The following THSD4 variants were observed in gnomAD, a reference collection of about 807,000 sequenced individuals.
THSD4 encodes thrombospondin type-1 domain-containing protein 4.
A neutral mutation model predicts 119.0 loss-of-function variants in THSD4; 69 were observed. The ratio of observed to expected loss-of-function variants is 0.58; its 90% CI spans 0.48 to 0.71. The LOEUF is 0.71. THSD4 is among the 30% of genes least tolerant of loss of function. The probability of loss-of-function intolerance (pLI) is 0.00; values close to 1 mark genes in which losing one functional copy is unlikely to be tolerated. For missense variants in THSD4, 1,393 were observed against 1,391.1 expected, an observed-to-expected ratio of 1.00 and a Z score of -0.02; for synonymous variants, 524 against 540.4, an observed-to-expected ratio of 0.97 and a Z score of 0.42.
chr15:71,576,258 A>G (rs2049447137), intron 7 of THSD4, among the ~76,000 whole-genome samples: 1 of 152,228 alleles, frequency 6.6e-6, no homozygotes, highest in Non-Finnish European at 1.5e-5. Flanking sequence ...ATCTTTCTCA[A>G]TACATTTGCA....
At chr15:71,734,675 G>A (rs2053046910) in intron 10 of THSD4, among the ~76,000 whole-genome samples, 1 of 152,022 alleles carries the variant, frequency 6.6e-6, no homozygotes, top group Admixed American at 6.6e-5. Context: ...TCCGTGTAGG[G>A]TCATCAGTTA....
rs541930397 is a variant in THSD4 at position 71,138,982 on chromosome 15, C to G, written c.-79-2467C>G. Among the ~76,000 whole-genome samples the G allele has an allele frequency of 2.3e-4, 34 of 150,924 alleles. No homozygotes were observed. In the East Asian group the frequency reaches 2.3e-3, roughly 10 times the overall value. ...GTTACAAACAGTATCCCTCCCCCCC[C>G]CATTTTACAGATGAAGAAAGGTTAA... On this transcript the variant is annotated intron_variant, in intron 1 of 17. Transcript: ENST00000261862.
At chr15:71,283,906 G>T (rs1238961571) in intron 6 of THSD4, among the ~76,000 whole-genome samples, 6 of 152,192 alleles carry the variant, frequency 3.9e-5, no homozygotes, top group Non-Finnish European at 7.3e-5. Context: ...GACTCTGGTG[G>T]GGGAGGGAAA....
intron 1 of THSD4, among the ~76,000 whole-genome samples, chr15:71,116,808 C>T (rs1422250870): frequency 6.6e-6 from 1 of 151,986 alleles, no homozygotes; most frequent in Non-Finnish European, 1.5e-5. Flanking sequence ...GTGTCTTCTA[C>T]TTGATTAATA....
At chr15:71,436,938 A>G (rs1364275823) in intron 7 of THSD4, among the ~76,000 whole-genome samples, 1 of 152,150 alleles carries the variant, frequency 6.6e-6, no homozygotes, top group East Asian at 1.9e-4. Flanking sequence ...TTTTTGAAAT[A>G]CTGAATGGGA....
At chr15:71,482,232 G>T (rs904424035) in intron 7 of THSD4, among the ~76,000 whole-genome samples, 37 of 151,920 alleles carry the variant, frequency 2.4e-4, no homozygotes, top group Non-Finnish European at 4.1e-4. Flanking sequence ...GAGGGCTCCT[G>T]TGGCTCCAGC....
chr15:71,491,593 C>T (rs1432830267), intron 7 of THSD4, among the ~76,000 whole-genome samples: 6 of 152,262 alleles, frequency 3.9e-5, no homozygotes, highest in Non-Finnish European at 8.8e-5. Context: ...AATTTATGGC[C>T]CAGCATGGTG....
chr15:71,563,915 C>G (rs758112733), intron 7 of THSD4, among the ~76,000 whole-genome samples: 1 of 152,060 alleles, frequency 6.6e-6, no homozygotes. Context: ...TGAGGTAGCC[C>G]TGACTTGTTT....
At chr15:71,243,909 C>T (rs746348960) in intron 5 of THSD4, among the ~76,000 whole-genome samples, 5 of 151,636 alleles carry the variant, frequency 3.3e-5, no homozygotes, top group Admixed American at 6.6e-5. Flanking sequence ...CTCAGCCTCC[C>T]GAGTAGCTGG....
At chr15:71,254,826 C>T (rs1244095949) in intron 5 of THSD4, among the ~76,000 whole-genome samples, 1 of 152,162 alleles carries the variant, frequency 6.6e-6, no homozygotes, top group Non-Finnish European at 1.5e-5. Context: ...GTGGCCTGTC[C>T]GCCTCTCCCT....
chr15:71,597,548 T>C (rs1208396423), intron 7 of THSD4, among the ~76,000 whole-genome samples: 1 of 152,224 alleles, frequency 6.6e-6, no homozygotes, highest in African/African-American at 2.4e-5. Flanking sequence ...TCATTAGACT[T>C]TTAAAGAAAT....
At chr15:71,273,528 A>G (rs538214691) in intron 6 of THSD4, among the ~76,000 whole-genome samples, 104 of 152,326 alleles carry the variant, frequency 6.8e-4, no homozygotes, top group Non-Finnish European at 1.3e-3. Context: ...AGTTGCTAAA[A>G]GAGTAGATTC....
chr15:71,579,408 G>A (rs1462295083), intron 7 of THSD4, among the ~76,000 whole-genome samples: 1 of 152,206 alleles, frequency 6.6e-6, no homozygotes, highest in Non-Finnish European at 1.5e-5. Flanking sequence ...AGCCTATGGA[G>A]TTCCGATGAG....
chr15:71,505,642 T>C (rs2140740747), intron 7 of THSD4, among the ~76,000 whole-genome samples: 1 of 152,320 alleles, frequency 6.6e-6, no homozygotes, highest in Non-Finnish European at 1.5e-5. Flanking sequence ...GAAATTTAAG[T>C]GGTTCAAGTT....
At chr15:71,628,807 C>T (rs2050558284) in intron 7 of THSD4, among the ~76,000 whole-genome samples, 1 of 152,182 alleles carries the variant, frequency 6.6e-6, no homozygotes, top group Admixed American at 6.5e-5. Flanking sequence ...TTGGGAAGCC[C>T]CCACCTTGAC....
intron 6 of THSD4, among the ~76,000 whole-genome samples, chr15:71,258,219 C>T (rs2044343119): frequency 6.6e-6 from 1 of 152,126 alleles, no homozygotes; most frequent in Admixed American, 6.5e-5. Flanking sequence ...TGCACTATTG[C>T]CCAGGCTGGA....
chr15:71,311,886 G>A (rs998121740), intron 6 of THSD4, among the ~76,000 whole-genome samples: 12 of 151,966 alleles, frequency 7.9e-5, no homozygotes, highest in African/African-American at 2.9e-4. Context: ...ACCCTAGTGC[G>A]TACCCCATTG....
At chr15:71,452,789 A>AT (rs1243632030) in intron 7 of THSD4, among the ~76,000 whole-genome samples, 5 of 151,922 alleles carry the variant, frequency 3.3e-5, no homozygotes, top group Non-Finnish European at 7.4e-5. Flanking sequence ...TGATTTTTGT[A>AT]TTTTTAGTAG....
intron 1 of THSD4, among the ~76,000 whole-genome samples, chr15:71,099,515 G>A (rs551121397): frequency 6.6e-6 from 1 of 152,116 alleles, no homozygotes; most frequent in Admixed American, 6.5e-5. Flanking sequence ...TGATTATTAT[G>A]CAATGTGTCC....
Sources: gnomAD v4.1 joint callset for allele counts (sites outside exome capture counted in the v4.1 genomes callset) on GRCh38, gnomAD v4.1.1 for gene constraint, MANE v1.5 for transcripts, NCBI Gene and HGNC (gene_info 2026-07-23, HGNC 2026-07-21) for gene names.